Variants in ALK observed in about 807,000 individuals in gnomAD.
The protein encoded by ALK is ALK receptor tyrosine kinase.
ALK carries 74 observed loss-of-function variants against 163.1 expected under a neutral mutation model. The ratio of observed to expected loss-of-function variants is 0.45; its 90% CI spans 0.38 to 0.55. ALK has a LOEUF of 0.55. Among genes scored for constraint, ALK ranks in the 20% least tolerant of loss-of-function variants. ALK has a pLI of 0.00. For missense variants in ALK, 2,063 were observed against 2,105.3 expected (o/e 0.98, Z 0.39); for synonymous variants, 960 against 843.2 (o/e 1.14, Z -2.40).
At chr2:29,835,799 G>A (rs150762409) in intron 1 of ALK, among the ~76,000 whole-genome samples, 2,368 of 152,186 alleles carry the variant, frequency 0.016, 43 homozygotes, top group African/African-American at 0.041. Flanking sequence ...CCTGGCTCTC[G>A]TTCTTACTTG....
intron 5 of ALK, among the ~76,000 whole-genome samples, chr2:29,354,183 G>T (rs1391869985): frequency 3.3e-5 from 5 of 152,156 alleles, no homozygotes; most frequent in Non-Finnish European, 5.9e-5. Flanking sequence ...GAGGAGCACA[G>T]GATGTTCCAG....
intron 11 of ALK, among the ~76,000 whole-genome samples, chr2:29,274,106 T>C (rs1303921998): frequency 6.6e-6 from 1 of 152,142 alleles, no homozygotes; most frequent in African/African-American, 2.4e-5. Flanking sequence ...CAGGAAGGGG[T>C]GACGGTTAGC....
chr2:29,316,356 T>C (rs79072752), intron 8 of ALK, among the ~76,000 whole-genome samples: 376 of 152,274 alleles, frequency 2.5e-3, no homozygotes, highest in Non-Finnish European at 3.8e-3. Context: ...CCTTTCATTA[T>C]GCCTGCTGAG....
intron 1 of ALK, among the ~76,000 whole-genome samples, chr2:29,843,471 G>A (rs896057465): frequency 3.9e-5 from 6 of 152,142 alleles, no homozygotes; most frequent in Non-Finnish European, 8.8e-5. Flanking sequence ...CAGGAATGAT[G>A]GCAGGAATTA....
At chr2:29,915,685 T>A (rs918803599) in intron 1 of ALK, among the ~76,000 whole-genome samples, 2 of 152,228 alleles carry the variant, frequency 1.3e-5, no homozygotes, top group Non-Finnish European at 2.9e-5. Context: ...AAGGGATTTT[T>A]AAGTAGCCAG....
intron 2 of ALK, among the ~76,000 whole-genome samples, chr2:29,699,238 ACCTT>A (rs1284144569): frequency 6.6e-6 from 1 of 152,152 alleles, no homozygotes; most frequent in Non-Finnish European, 1.5e-5. Context: ...GTGGGAAACT[ACCTT>A]CCCTCAGCCC....
intron 8 of ALK, among the ~76,000 whole-genome samples, chr2:29,317,815 T>TGTAC (rs1666878123): frequency 3.5e-5 from 1 of 28,976 alleles, no homozygotes; most frequent in African/African-American, 3.9e-5. Context: ...CGCCAGTCCC[T>TGTAC]CCACCCACAC....
intron 1 of ALK, among the ~76,000 whole-genome samples, chr2:29,817,001 T>G (rs888283253): frequency 6.6e-6 from 1 of 152,226 alleles, no homozygotes; most frequent in Admixed American, 6.5e-5. Context: ...TTTGTGCGTA[T>G]GAACTCATTA....
chr2:29,239,187 G>A (rs1425578273), intron 13 of ALK, among the ~76,000 whole-genome samples: 1 of 152,140 alleles, frequency 6.6e-6, no homozygotes, highest in East Asian at 1.9e-4. Context: ...TACTTTTCAT[G>A]CTTCCTCAGC....
At chr2:29,280,813 T>C (rs1254152825) in intron 9 of ALK, among the ~76,000 whole-genome samples, 2 of 151,264 alleles carry the variant, frequency 1.3e-5, no homozygotes, top group African/African-American at 4.9e-5. Context: ...GGGGAGGTTA[T>C]GGTATGTGCC....
intron 5 of ALK, among the ~76,000 whole-genome samples, chr2:29,354,088 T>G (rs1344163561): frequency 6.6e-6 from 1 of 152,220 alleles, no homozygotes; most frequent in East Asian, 1.9e-4. Flanking sequence ...TGACCTTCAG[T>G]GTAGTCTCAT....
intron 3 of ALK, among the ~76,000 whole-genome samples, chr2:29,687,373 T>C (rs991739970): frequency 6.6e-6 from 1 of 151,864 alleles, no homozygotes; most frequent in Non-Finnish European, 1.5e-5. Context: ...GGCAGGAAAA[T>C]AACCTGCTTG....
At chr2:29,762,048 A>T (rs1244066503) in intron 1 of ALK, among the ~76,000 whole-genome samples, 1 of 152,238 alleles carries the variant, frequency 6.6e-6, no homozygotes, top group East Asian at 1.9e-4. Context: ...ATGTAAATTC[A>T]AGTCAATCGG....
At chr2:29,578,712 C>A (rs80264051) in intron 3 of ALK, among the ~76,000 whole-genome samples, 1,906 of 152,316 alleles carry the variant, frequency 0.013, 15 homozygotes, top group African/African-American at 0.02. Flanking sequence ...TGCAGCAAAG[C>A]AAAAACTGCC....
At chr2:29,448,584 A>C (rs1354406912) in intron 4 of ALK, among the ~76,000 whole-genome samples, 1 of 152,210 alleles carries the variant, frequency 6.6e-6, no homozygotes, top group East Asian at 1.9e-4. Flanking sequence ...ACATCTATAG[A>C]GCACAGTGAA....
chr2:29,896,279 T>C (rs6725447), intron 1 of ALK, among the ~76,000 whole-genome samples: 113,776 of 151,802 alleles, frequency 0.75, 42,759 homozygotes, highest in East Asian at 0.78. Flanking sequence ...AAAGGGTACC[T>C]CCGACCCCCA....
intron 11 of ALK, among the ~76,000 whole-genome samples, chr2:29,251,680 A>G (rs1170029020): frequency 6.6e-6 from 1 of 152,232 alleles, no homozygotes; most frequent in Non-Finnish European, 1.5e-5. Context: ...CCAGTCTCTC[A>G]CCGAGCCTAG....
chr2:29,920,392 A>AGCCGCGG lies in ALK; in HGVS notation c.261_267dup (p.Ser90ProfsTer138). ...AGCGGGGCGCAGTCCAGAGCTAGCG[A>AGCCGCGG]GCCGCGGGCCTCGGGCCTGCCAGCC... On this transcript the variant is annotated frameshift_variant, in exon 1 of 29. Transcript: ENST00000389048. LOFTEE classifies it high-confidence loss of function. The AGCCGCGG allele has an allele frequency of 6.4e-7, 1 of 1,569,718 alleles. No individual in the cohort carries two copies. Among genetic ancestry groups the AGCCGCGG allele is most frequent in the South Asian group, 1.2e-5 (1 of 85,748 alleles).
At position 29,401,131 on chromosome 2, in the gene ALK, C is replaced by G. The variant is rs144045527; in HGVS notation, c.1155-17272G>C. On this transcript the variant is annotated intron_variant, in intron 4 of 28. Transcript: ENST00000389048. ...CCTGGAGGTGGCTCCTTTAGCTACT[C>G]CCACCCTCAGCTCCTGTCTCAGCCC... is the stretch of plus-strand genomic sequence containing the variant. 8.1e-4 allele frequency among the ~76,000 whole-genome samples: 123 copies of G among 152,258 alleles called. 3 individuals carry two copies. The East Asian group carries it at 0.023, about 28-fold the overall frequency.
Sources: allele counts gnomAD v4.1 joint callset (sites outside exome capture counted in the v4.1 genomes callset), GRCh38; gene constraint gnomAD v4.1.1; transcripts MANE v1.5; gene names NCBI Gene and HGNC (gene_info 2026-07-23, HGNC 2026-07-21).